The following PPP1R37 variants were observed in gnomAD, a reference collection of about 807,000 sequenced individuals.
The protein encoded by PPP1R37 is protein phosphatase 1 regulatory subunit 37.
PPP1R37 carries 21 observed loss-of-function variants against 61.0 expected under a neutral mutation model. The ratio of observed to expected loss-of-function variants is 0.34; its 90% CI spans 0.24 to 0.50. The LOEUF (loss-of-function observed/expected upper bound fraction) is 0.50, where lower values mean the gene tolerates loss of function less well. Ranked by LOEUF, PPP1R37 falls within the 20% of genes least tolerant of loss-of-function variation. The probability of loss-of-function intolerance (pLI) is 0.98; values close to 1 mark genes in which losing one functional copy is unlikely to be tolerated. For synonymous variants in PPP1R37, 443 were observed against 433.5 expected (o/e 1.02, Z -0.27); for missense variants, 910 against 952.7 (o/e 0.96, Z 0.59).
intron 2 of PPP1R37, 145 bp from the exon 3 acceptor site, chr19:45,140,091 G>A (rs768107853): frequency 7.7e-6 from 5 of 650,966 alleles, no homozygotes; most frequent in Non-Finnish European, 1.1e-5. Flanking sequence ...TCCAGCTGGT[G>A]GGTGGCCTCT....
At position 45,145,956 on chromosome 19, in the gene PPP1R37, C is replaced by T; in HGVS notation, c.1900C>T (p.Pro634Ser). 1 of 1,534,678 alleles carries T rather than the reference C, an allele frequency of 6.5e-7. No individual in the cohort carries two copies. The highest frequency in any genetic ancestry group is 8.7e-7 in the Non-Finnish European group (1 of 1,146,374). The change falls in exon 11 of 13, where the codon CCC becomes TCC. Residue 634 changes from proline to serine, a missense_variant. Transcript: ENST00000221462. Reference sequence around the variant, plus strand: ...GCCGCCTCGGTCAGGGCCACCACTGCCCAACGGCCTGAAGCCCGAGTTCGC... The same window carrying T: ...GCCGCCTCGGTCAGGGCCACCACTGTCCAACGGCCTGAAGCCCGAGTTCGC... ...PEPPRSGPPL[P>S]NGLKPEFALA...
intron 5 of PPP1R37, among the ~76,000 whole-genome samples, chr19:45,141,775 G>A (rs1456287131): frequency 2.0e-5 from 3 of 152,206 alleles, no homozygotes; most frequent in Admixed American, 6.5e-5. Flanking sequence ...GGGACGGGAC[G>A]GGGCTATCTG....
In PPP1R37 at chr19:45,130,773, G is replaced by A. The variant is rs753770168; in HGVS notation, c.203-7741G>A. ...TGTGAACCTGGCTCGCAGACGTCCC[G>A]ATTTCATGTGGTGGACACTGGGGCA... On this transcript the variant is annotated intron_variant, in intron 1 of 12. Transcript: ENST00000221462. The surrounding 1 kb of genome is among the most constrained non-coding windows in gnomAD (Gnocchi z 4.4). 6.6e-6 allele frequency among the ~76,000 whole-genome samples: 1 copy of A among 152,152 alleles called. No homozygotes were observed. Among genetic ancestry groups the A allele is most frequent in the Non-Finnish European group, 1.5e-5 (1 of 68,010 alleles).
At position 45,146,806 on chromosome 19, in the gene PPP1R37, AG is replaced by A. The variant is rs1968708736; in HGVS notation, c.*246del. On this transcript the variant is annotated 3_prime_UTR_variant, in exon 13 of 13. Transcript: ENST00000221462. ...CTGGAAGACTCTGGGGGTGAATGGG[AG>A]GAGGGGGAGCAGGAGGAGGAGGAGG... 4.3e-6 allele frequency: 1 copy of A among 230,080 alleles called. No homozygotes were observed. The highest frequency in any genetic ancestry group is 8.8e-6 in the Non-Finnish European group (1 of 113,954). 14.3% of individuals were successfully genotyped at this position (230,080 alleles called of 1,614,324 possible).
chr19:45,102,557 C>G (rs1375153736), intron 1 of PPP1R37, among the ~76,000 whole-genome samples: 5 of 152,182 alleles, frequency 3.3e-5, no homozygotes, highest in Admixed American at 6.5e-5. Context: ...TTGAACTTGA[C>G]TGGTTCCTGC....
intron 1 of PPP1R37, among the ~76,000 whole-genome samples, chr19:45,096,694 G>A (rs1202465188): frequency 1.3e-5 from 2 of 152,058 alleles, no homozygotes; most frequent in African/African-American, 2.4e-5. Flanking sequence ...CTGGGTAAGG[G>A]GTAGAGTGGG....
chr19:45,114,666 G>T (rs1968241804), intron 1 of PPP1R37, among the ~76,000 whole-genome samples: 1 of 152,106 alleles, frequency 6.6e-6, no homozygotes, highest in Non-Finnish European at 1.5e-5. Flanking sequence ...GCATTCACAG[G>T]CTGGGCATAG....
intron 5 of PPP1R37, 48 bp from the exon 6 acceptor site, chr19:45,142,013 G>C: frequency 2.1e-6 from 3 of 1,442,270 alleles, no homozygotes; most frequent in Non-Finnish European, 2.7e-6. Flanking sequence ...AGGGAGTGCT[G>C]GGGCAGGCCT....
At chr19:45,141,981 G>A in intron 5 of PPP1R37, 80 bp from the exon 6 acceptor site, 2 of 1,059,408 alleles carry the variant, frequency 1.9e-6, no homozygotes, top group East Asian at 5.1e-5. Flanking sequence ...GGGCCAGGGA[G>A]TGCTGGGGCG....
chr19:45,118,992 G>GT (rs1206465294), intron 1 of PPP1R37, among the ~76,000 whole-genome samples: 1 of 149,806 alleles, frequency 6.7e-6, no homozygotes, highest in Non-Finnish European at 1.5e-5. Flanking sequence ...TTTTTGTTTT[G>GT]TTTTTTGGTT....
chr19:45,137,925 G>A (rs1968559658), intron 1 of PPP1R37, among the ~76,000 whole-genome samples: 1 of 151,818 alleles, frequency 6.6e-6, no homozygotes. Context: ...GATTGCTGAA[G>A]CCCAGGAGTT....
chr19:45,131,925 G>C (rs1417343882), intron 1 of PPP1R37, among the ~76,000 whole-genome samples: 1 of 152,168 alleles, frequency 6.6e-6, no homozygotes. Context: ...CCCCACAGGT[G>C]TCCCTTTCAG....
At chr19:45,141,297 T>A (rs1968608257) in intron 4 of PPP1R37, 25 bp from the exon 5 acceptor site, 1 of 1,528,054 alleles carries the variant, frequency 6.5e-7, no homozygotes, top group South Asian at 1.2e-5. Flanking sequence ...GAGCTGAGGC[T>A]GAGCCCCCGA....
intron 1 of PPP1R37, among the ~76,000 whole-genome samples, chr19:45,095,977 C>G (rs901656220): frequency 6.6e-6 from 1 of 152,122 alleles, no homozygotes; most frequent in Non-Finnish European, 1.5e-5. Flanking sequence ...TTTGAGACCT[C>G]GGGCTGGTTA....
In PPP1R37 at chr19:45,146,468, T is replaced by A; in HGVS notation, c.2072T>A (p.Leu691Gln). 6.5e-7 allele frequency: 1 copy of A among 1,535,074 alleles called. No homozygotes were observed. The highest frequency in any genetic ancestry group is 8.7e-7 in the Non-Finnish European group (1 of 1,146,244). The part of the protein sequence containing the change: ...EASQESGQET[L>Q] ...AGTCAGGAATCCGGGCAGGAGACAC[T>A]GTGACACTTTAGGTGAGGCCAGGCC... Residue 691 changes from leucine (L) to glutamine (Q), a missense_variant, in exon 12 of 13, where the codon CTG becomes CAG. Leu to Gln is a moderately radical substitution (Grantham distance 113). Around this residue, in one of 3 missense-constraint regions of PPP1R37, gnomAD observed 549 missense variants for 505.1 expected, o/e 1.09. Coordinates refer to ENST00000221462, the MANE Select transcript of PPP1R37 (RefSeq NM_019121.2).
Position 45,145,965 on chromosome 19 carries a change from C to T in PPP1R37, c.1909C>T (p.Leu637=), listed in dbSNP as rs1212203255. The change falls in exon 11 of 13, where the codon CTG becomes TTG. Residue 637 remains leucine (L), a synonymous_variant. Coordinates refer to ENST00000221462, the MANE Select transcript of PPP1R37 (RefSeq NM_019121.2). ...GTCAGGGCCACCACTGCCCAACGGC[C>T]TGAAGCCCGAGTTCGCCCTGGCACT... The part of the protein sequence containing the change: ...PRSGPPLPNG[L]KPEFALALPP... 6.5e-7 allele frequency: 1 copy of T among 1,534,602 alleles called. No individual in the cohort carries two copies. Among genetic ancestry groups the T allele is most frequent in the Non-Finnish European group, 8.7e-7 (1 of 1,146,304 alleles).
chr19:45,093,605 G>A (rs1967952442), intron 1 of PPP1R37, 78 bp downstream of exon 1: 2 of 1,148,474 alleles, frequency 1.7e-6, no homozygotes, highest in East Asian at 5.6e-5. Flanking sequence ...GGCCCGGCTC[G>A]AGGTGGCGTT....
intron 1 of PPP1R37, among the ~76,000 whole-genome samples, chr19:45,102,887 G>A (rs541221289): frequency 5.3e-5 from 8 of 152,356 alleles, no homozygotes; most frequent in African/African-American, 1.9e-4. Context: ...CCCACGTCAG[G>A]CTCCTGGGCT....
At chr19:45,113,724 G>A (rs35836101) in intron 1 of PPP1R37, among the ~76,000 whole-genome samples, 31,887 of 152,220 alleles carry the variant, frequency 0.21, 4,118 homozygotes, top group Non-Finnish European at 0.29. Flanking sequence ...CTGAGTCTGC[G>A]TTCCCCTCCA....
Sources: allele counts gnomAD v4.1 joint callset (sites outside exome capture counted in the v4.1 genomes callset), GRCh38; gene constraint gnomAD v4.1.1; regional missense constraint gnomAD v4.1.1; non-coding constraint Gnocchi (gnomAD v3.1); transcripts MANE v1.5; gene names NCBI Gene and HGNC (gene_info 2026-07-23, HGNC 2026-07-21).